Variants in YWHAG observed in about 807,000 individuals in gnomAD.
YWHAG encodes the protein tyrosine 3-monooxygenase/tryptophan 5-monooxygenase activation protein gamma, also known as 14-3-3 protein gamma.
In YWHAG, 1 loss-of-function variant was observed where a neutral mutation model predicts 23.3. The ratio of observed to expected loss-of-function variants is 0.04; its 90% CI spans 0.02 to 0.20. The LOEUF (loss-of-function observed/expected upper bound fraction) is 0.20, where lower values mean the gene tolerates loss of function less well. Ranked by LOEUF, YWHAG falls within the 10% of genes least tolerant of loss-of-function variation. YWHAG has a pLI of 1.00. For missense variants in YWHAG, 151 were observed against 338.6 expected (o/e 0.45, Z 4.35); for synonymous variants, 160 against 144.0 (o/e 1.11, Z -0.80).
At chr7:76,351,614 T>C (rs923734251) in intron 1 of YWHAG, among the ~76,000 whole-genome samples, 11 of 152,146 alleles carry the variant, frequency 7.2e-5, no homozygotes, top group East Asian at 3.9e-4. Context: ...GCGGTGGCAT[T>C]AGATTCTCAA....
At chr7:76,334,208 T>C (rs1803585176) in intron 1 of YWHAG, among the ~76,000 whole-genome samples, 1 of 152,194 alleles carries the variant, frequency 6.6e-6, no homozygotes, top group South Asian at 2.1e-4. Context: ...TCATAATTAC[T>C]TGCATAAGAA....
intron 1 of YWHAG, among the ~76,000 whole-genome samples, chr7:76,332,411 T>C (rs1372438290): frequency 2.6e-5 from 4 of 152,342 alleles, no homozygotes; most frequent in Non-Finnish European, 4.4e-5. Context: ...CTAAGCAATC[T>C]TGGGGACAAG....
chr7:76,337,891 C>T (rs1305644512), intron 1 of YWHAG, among the ~76,000 whole-genome samples: 1 of 152,136 alleles, frequency 6.6e-6, no homozygotes, highest in Non-Finnish European at 1.5e-5. Context: ...GCCATGAGTA[C>T]AAGTATTTGC....
intron 1 of YWHAG, among the ~76,000 whole-genome samples, chr7:76,335,665 T>G (rs921271264): frequency 6.6e-6 from 1 of 152,082 alleles, no homozygotes; most frequent in South Asian, 2.1e-4. Context: ...ATTGTAATGG[T>G]AGGGACCAGA....
rs889327058 is a variant in YWHAG, at chr7:76,328,590, T to G, written c.*987A>C. ...CTGCGTCCGCCAGCACGAGGCGCAG[T>G]AGGAAACGCCCCAGTGCAGAGTGGG... On this transcript the variant is annotated 3_prime_UTR_variant, in exon 2 of 2. Transcript: ENST00000307630. 1 of 152,102 alleles carries G rather than the reference T, an allele frequency of 6.6e-6. No homozygotes were observed. The highest frequency in any genetic ancestry group is 1.5e-5 in the Non-Finnish European group (1 of 68,018). 9.4% of individuals were successfully genotyped at this position (152,102 alleles called of 1,614,324 possible). A position where few individuals can be genotyped will look rare whatever the true frequency, so the allele number is the denominator to read the frequency against.
At chr7:76,357,601 A>G (rs1002513600) in intron 1 of YWHAG, among the ~76,000 whole-genome samples, 8 of 152,204 alleles carry the variant, frequency 5.3e-5, no homozygotes, top group African/African-American at 1.9e-4. Flanking sequence ...AAATGCGACA[A>G]CTGGCGATCG....
At chr7:76,353,342 A>G (rs144150723) in intron 1 of YWHAG, among the ~76,000 whole-genome samples, 4,123 of 152,096 alleles carry the variant, frequency 0.027, 198 homozygotes, top group African/African-American at 0.093. Flanking sequence ...CCTCCCAAGT[A>G]GCTAGGATTA....
chr7:76,358,369 G>A (rs1269074106), intron 1 of YWHAG, among the ~76,000 whole-genome samples: 3 of 152,184 alleles, frequency 2.0e-5, no homozygotes, highest in East Asian at 3.9e-4. Flanking sequence ...AGGAGGAGGG[G>A]GGAAGTGGGG....
At chr7:76,345,953 A>T (rs901539974) in intron 1 of YWHAG, among the ~76,000 whole-genome samples, 2 of 152,332 alleles carry the variant, frequency 1.3e-5, no homozygotes, top group African/African-American at 4.8e-5. Flanking sequence ...AAAAAAATTT[A>T]AAAATAAGTA....
At chr7:76,355,230 A>AT (rs1803936098) in intron 1 of YWHAG, among the ~76,000 whole-genome samples, 1 of 152,234 alleles carries the variant, frequency 6.6e-6, no homozygotes. Context: ...TTTTACCTCG[A>AT]TAAAAACACA....
At chr7:76,340,836 C>T (rs1427958937) in intron 1 of YWHAG, among the ~76,000 whole-genome samples, 2 of 152,148 alleles carry the variant, frequency 1.3e-5, no homozygotes, top group Admixed American at 6.5e-5. Context: ...TCAGCAATTC[C>T]ACTCCCAGAT....
At chr7:76,347,567 T>TA (rs1180259155) in intron 1 of YWHAG, among the ~76,000 whole-genome samples, 1 of 149,936 alleles carries the variant, frequency 6.7e-6, no homozygotes, top group Non-Finnish European at 1.5e-5. Flanking sequence ...GCCTGGGAAA[T>TA]AAGAGGGAAA....
At chr7:76,340,487 C>T (rs765901775) in intron 1 of YWHAG, among the ~76,000 whole-genome samples, 1 of 152,222 alleles carries the variant, frequency 6.6e-6, no homozygotes, top group East Asian at 1.9e-4. Flanking sequence ...CCATTTAGTC[C>T]ATATTTTTCT....
intron 1 of YWHAG, 132 bp downstream of exon 1, chr7:76,358,590 G>GC (rs1747399775): frequency 1.1e-6 from 1 of 904,536 alleles, no homozygotes; most frequent in Admixed American, 3.2e-5. Flanking sequence ...ACCCTCCCCA[G>GC]CCCCCCTCAG....
chr7:76,332,145 C>G (rs557583008), intron 1 of YWHAG, among the ~76,000 whole-genome samples: 1 of 152,260 alleles, frequency 6.6e-6, no homozygotes, highest in South Asian at 2.1e-4. Flanking sequence ...GTGAAACAGA[C>G]TCAAAAGAGG....
intron 1 of YWHAG, among the ~76,000 whole-genome samples, chr7:76,357,317 CAAT>C (rs773327813): frequency 5.9e-5 from 9 of 152,164 alleles, no homozygotes; most frequent in East Asian, 5.8e-4. Context: ...TCTGTAATAT[CAAT>C]AATGCTTCAT....
chr7:76,337,861 C>T (rs1228436599), intron 1 of YWHAG, among the ~76,000 whole-genome samples: 1 of 152,152 alleles, frequency 6.6e-6, no homozygotes, highest in South Asian at 2.1e-4. Context: ...GCTTTGCATA[C>T]TTCCCAGTAA....
intron 1 of YWHAG, among the ~76,000 whole-genome samples, chr7:76,349,374 G>C (rs969768356): frequency 2.7e-5 from 4 of 149,110 alleles, no homozygotes; most frequent in African/African-American, 7.4e-5. Flanking sequence ...GTACCGTTAA[G>C]TTTTCCATTG....
chr7:76,330,373 G>C, intron 1 of YWHAG, 140 bp from the exon 2 acceptor site: 2 of 941,876 alleles, frequency 2.1e-6, no homozygotes. Context: ...TGGGGGAAGG[G>C]GGCTGGAGGT....
Sources: gnomAD v4.1 joint callset for allele counts (sites outside exome capture counted in the v4.1 genomes callset) on GRCh38, gnomAD v4.1.1 for gene constraint, MANE v1.5 for transcripts, NCBI Gene and HGNC (gene_info 2026-07-23, HGNC 2026-07-21) for gene names.